The following NADK variants were observed in gnomAD, a reference collection of about 807,000 sequenced individuals.
NADK encodes the protein poly(P)/ATP NAD kinase.
A neutral mutation model predicts 49.8 loss-of-function variants in NADK; 22 were observed. That is an observed-to-expected ratio of 0.44 (90% confidence interval 0.32 to 0.63). The LOEUF is 0.63. Among genes scored for constraint, NADK ranks in the 30% least tolerant of loss-of-function variants. The pLI, the probability that NADK is intolerant of heterozygous loss-of-function variation, is 0.06. For synonymous variants in NADK, 268 were observed against 253.7 expected, an observed-to-expected ratio of 1.06 and a Z score of -0.54; for missense variants, 438 against 609.4, an observed-to-expected ratio of 0.72 and a Z score of 2.96.
rs138611037 is a variant in NADK, at chr1:1,753,973, G to A, written c.1101+78C>T. On this transcript the variant is annotated intron_variant, in intron 10 of 11. Coordinates refer to ENST00000341426, the MANE Select transcript of NADK (RefSeq NM_023018.5). ...GAGGCTGGAGCCAGCATGGCAGAGC[G>A]GGGTGCTAGGTCCCGGCTTTGTGTT... The A allele has an allele frequency of 2.3e-3, 3,399 of 1,480,988 alleles. 5 individuals carry two copies. Among genetic ancestry groups the A allele is most frequent in the Non-Finnish European group, 2.8e-3 (3,145 of 1,107,896 alleles). The allele number at this position is 1,480,988 out of a possible 1,614,324, so 91.7% of individuals were successfully genotyped here.
Position 1,774,655 on chromosome 1 carries a change from G to A in NADK, c.-41+3634C>T, listed in dbSNP as rs1322966165. On this transcript the variant is annotated intron_variant, in intron 1 of 11. Transcript: ENST00000341426. Reference sequence around the variant, plus strand: ...CTCCCACAGTGCTGGGATTGCAGGCGTGGCCACCGTGCGCGGTCACCACTG... The same window carrying A: ...CTCCCACAGTGCTGGGATTGCAGGCATGGCCACCGTGCGCGGTCACCACTG... Among the ~76,000 whole-genome samples, 3 of 152,016 alleles carry A rather than the reference G, an allele frequency of 2.0e-5. No individual in the cohort carries two copies. The East Asian group carries it at 5.8e-4, about 29-fold the overall frequency.
chr1:1,752,748 G>A lies in NADK; in HGVS notation c.*156C>T. On this transcript the variant is annotated 3_prime_UTR_variant, in exon 12 of 12. Coordinates refer to ENST00000341426, the MANE Select transcript of NADK (RefSeq NM_023018.5). ...AGTCAGACATTTTAAAAAAACAGCT[G>A]ATCTGGACAAAAGGCAGACCCAGGC... The A allele has an allele frequency of 3.6e-6, 3 of 835,860 alleles. No individual in the cohort carries two copies. Among genetic ancestry groups the A allele is most frequent in the Non-Finnish European group, 5.5e-6 (3 of 542,880 alleles). 51.8% of individuals were successfully genotyped at this position (835,860 alleles called of 1,614,324 possible).
intron 3 of NADK, chr1:1,759,171 C>A: frequency 6.4e-7 from 1 of 1,565,602 alleles, no homozygotes; most frequent in African/African-American, 1.4e-5. Context: ...CCAGCAGCGG[C>A]GTCGTACACC....
chr1:1,754,129 C>T lies in NADK; in HGVS notation c.1023G>A (p.Pro341=), dbSNP rs141875960. ...GGCAGATGGGCGTGATCATGATGGC[C>T]GGCACGTTGGGGTGGATCATGGAGG... is the stretch of plus-strand genomic sequence containing the variant. ...AGASMIHPNV[P]AIMITPICPH... is the part of the protein sequence containing the mutation. Residue 341 remains proline (P), a synonymous_variant, in exon 10 of 12, where the codon CCG becomes CCA. Coordinates refer to ENST00000341426, the MANE Select transcript of NADK (RefSeq NM_023018.5). The surrounding 1 kb of genome is among the most constrained non-coding windows in gnomAD (Gnocchi z 4.3). 32 of 1,611,154 alleles carry T rather than the reference C, an allele frequency of 2.0e-5. No individual in the cohort carries two copies. Among genetic ancestry groups the T allele is most frequent in the Non-Finnish European group, 2.3e-5 (27 of 1,179,104 alleles).
At position 1,754,801 on chromosome 1, in the gene NADK, C is replaced by T. The variant is rs534011155; in HGVS notation, c.689-103G>A. 2 of 1,083,218 alleles carry T rather than the reference C, an allele frequency of 1.8e-6. No homozygotes were observed. The highest frequency in any genetic ancestry group is 1.6e-5 in the African/African-American group (1 of 63,644). The allele number at this position is 1,083,218 out of a possible 1,614,324, so 67.1% of individuals were successfully genotyped here. On this transcript the variant is annotated intron_variant, in intron 7 of 11. Coordinates refer to ENST00000341426, the MANE Select transcript of NADK (RefSeq NM_023018.5). The surrounding 1 kb of genome is among the most constrained non-coding windows in gnomAD (Gnocchi z 4.3). ...GGGAGTCAGAGGGCTCTTTCTTCTCCCAAGTTGACACACTTCTGTGCCTTT... is the reference window on the plus strand; with the variant it reads ...GGGAGTCAGAGGGCTCTTTCTTCTCTCAAGTTGACACACTTCTGTGCCTTT...
chr1:1,761,974 G>GCA lies in NADK; in HGVS notation c.239_240dup (p.Leu81CysfsTer19). On this transcript the variant is annotated frameshift_variant, in exon 3 of 12. Coordinates refer to ENST00000341426, the MANE Select transcript of NADK (RefSeq NM_023018.5). LOFTEE classifies it high-confidence loss of function. ...CACATGATGGTCTGGGGGTTCTGCA[G>GCA]CACACAGGCCTTTGGTCCAAAAGTG... 6.2e-7 allele frequency: 1 copy of GCA among 1,614,046 alleles called. No individual in the cohort carries two copies. The highest frequency in any genetic ancestry group is 8.5e-7 in the Non-Finnish European group (1 of 1,179,960).
chr1:1,760,181 C>A (rs1161949920), intron 3 of NADK, among the ~76,000 whole-genome samples: 1 of 152,192 alleles, frequency 6.6e-6, no homozygotes, highest in Admixed American at 6.5e-5. Context: ...TGCAGATGGA[C>A]TGGATGAGGG....
chr1:1,773,743 A>AGAGG (rs1444976342), intron 1 of NADK, among the ~76,000 whole-genome samples: 1 of 148,964 alleles, frequency 6.7e-6, no homozygotes, highest in African/African-American at 2.5e-5. Flanking sequence ...AGAGAGAGAG[A>AGAGG]AATAGAGATA....
intron 3 of NADK, among the ~76,000 whole-genome samples, chr1:1,761,042 G>A (rs1645706490): frequency 6.6e-6 from 1 of 152,206 alleles, no homozygotes; most frequent in Non-Finnish European, 1.5e-5. Context: ...GCCCAGGCTG[G>A]AGTGCAATGG....
intron 3 of NADK, 93 bp downstream of exon 3, chr1:1,761,859 G>T: frequency 8.9e-7 from 1 of 1,125,616 alleles, no homozygotes; most frequent in Non-Finnish European, 1.3e-6. Context: ...ACATCCCGAG[G>T]ACTCCCCCAT....
Position 1,752,900 on chromosome 1 carries a change from T to A in NADK, c.*4A>T, listed in dbSNP as rs1645369636. ...AAGGATTCGGGCCTGGATAGGGGCT[T>A]GACCTAGCCCTCCTCCTCCTCCTCC... On this transcript the variant is annotated 3_prime_UTR_variant, in exon 12 of 12. Transcript: ENST00000341426. 2 of 1,599,450 alleles carry A rather than the reference T, an allele frequency of 1.3e-6. No individual in the cohort carries two copies. Among genetic ancestry groups the A allele is most frequent in the South Asian group, 2.2e-5 (2 of 89,842 alleles).
chr1:1,771,989 G>C (rs1358329385), intron 1 of NADK, among the ~76,000 whole-genome samples: 5 of 102,570 alleles, frequency 4.9e-5, no homozygotes, highest in Admixed American at 1.0e-4. Context: ...TTTTTTTTTT[G>C]GTGGAGATGG....
intron 3 of NADK, chr1:1,759,383 C>G: frequency 7.9e-7 from 1 of 1,266,656 alleles, no homozygotes; most frequent in Non-Finnish European, 1.1e-6. Flanking sequence ...GTGAAGCCAG[C>G]ATGGCCACAG....
Position 1,752,585 on chromosome 1 carries a change from C to G in NADK, c.*319G>C, listed in dbSNP as rs1198062461. On this transcript the variant is annotated 3_prime_UTR_variant, in exon 12 of 12. Transcript: ENST00000341426. ...TCATTCTGACTCCTCTGAATTTCAACCGACTGATTTGCGGAAAAATATCCT... is the reference window on the plus strand; with the variant it reads ...TCATTCTGACTCCTCTGAATTTCAAGCGACTGATTTGCGGAAAAATATCCT... 1 of 272,130 alleles carries G rather than the reference C, an allele frequency of 3.7e-6. No individual in the cohort carries two copies. The highest frequency in any genetic ancestry group is 2.2e-5 in the African/African-American group (1 of 45,696). The allele number at this position is 272,130 out of a possible 1,614,324, so 16.9% of individuals were successfully genotyped here.
chr1:1,757,147 C>CCG, intron 4 of NADK, 34 bp downstream of exon 4: 38 of 1,417,070 alleles, frequency 2.7e-5, no homozygotes, highest in East Asian at 5.0e-5. Flanking sequence ...ACTCCATGTG[C>CCG]ACCCCAGGCC....
At chr1:1,763,403 C>A (rs1192180226) in intron 2 of NADK, among the ~76,000 whole-genome samples, 1 of 151,990 alleles carries the variant, frequency 6.6e-6, no homozygotes, top group Non-Finnish European at 1.5e-5. Context: ...CGGATCACCT[C>A]AAGTCAGGTG....
At chr1:1,774,537 C>T (rs149936543) in intron 1 of NADK, among the ~76,000 whole-genome samples, 5 of 150,692 alleles carry the variant, frequency 3.3e-5, no homozygotes, top group South Asian at 2.1e-4. Context: ...TTGCAGGCGT[C>T]GCCACCGCGC....
At chr1:1,764,569 A>C (rs995122128) in intron 2 of NADK, among the ~76,000 whole-genome samples, 1 of 152,174 alleles carries the variant, frequency 6.6e-6, no homozygotes. Context: ...AGCAGAGCCA[A>C]GAGGGATGTC....
chr1:1,757,295 G>A lies in NADK; in HGVS notation c.279C>T (p.Pro93=), dbSNP rs766348123. The A allele has an allele frequency of 9.5e-5, 153 of 1,613,590 alleles. 1 individual carries two copies. In the East Asian group the frequency reaches 2.0e-3, roughly 21 times the overall value. The change falls in exon 4 of 12, where the codon CCC becomes CCT. Residue 93 remains proline, a synonymous_variant. Coordinates refer to ENST00000341426, the MANE Select transcript of NADK (RefSeq NM_023018.5). ...NPQTIMHIQD[P]ASQRLTWNKS... ...TGTTCCACGTCAGCCGCTGGCTCGC[G>A]GGGTCCTGAATGTGCCTTTAGGGGA...
Sources: gnomAD v4.1 joint callset for allele counts (sites outside exome capture counted in the v4.1 genomes callset) on GRCh38, gnomAD v4.1.1 for gene constraint, Gnocchi (gnomAD v3.1) non-coding constraint, MANE v1.5 for transcripts, NCBI Gene and HGNC (gene_info 2026-07-23, HGNC 2026-07-21) for gene names.